HPSE2: variants seen among roughly 807,000 people sequenced by gnomAD.
HPSE2 encodes the protein heparanase 2 (inactive).
A neutral mutation model predicts 60.5 loss-of-function variants in HPSE2; 38 were observed. The ratio of observed to expected loss-of-function variants is 0.63; its 90% CI spans 0.48 to 0.82. The LOEUF (loss-of-function observed/expected upper bound fraction) is 0.82. Ranked by LOEUF, HPSE2 falls within the 40% of genes least tolerant of loss-of-function variation. HPSE2 has a pLI of 0.00. For missense variants in HPSE2, 713 were observed against 740.4 expected (o/e 0.96, Z 0.43); for synonymous variants, 295 against 293.2 (o/e 1.01, Z -0.06).
chr10:98,525,961 G>A (rs939478646), intron 9 of HPSE2, among the ~76,000 whole-genome samples: 1 of 152,130 alleles, frequency 6.6e-6, no homozygotes, highest in Non-Finnish European at 1.5e-5. Context: ...AGGCAAAATC[G>A]CAGGAACAAC....
At chr10:99,133,668 C>A (rs1242734041) in intron 3 of HPSE2, among the ~76,000 whole-genome samples, 1 of 152,102 alleles carries the variant, frequency 6.6e-6, no homozygotes, top group African/African-American at 2.4e-5. Context: ...AGAAAGAACA[C>A]TAACAAATAG....
At chr10:98,901,952 G>A (rs575885115) in intron 3 of HPSE2, among the ~76,000 whole-genome samples, 1 of 152,206 alleles carries the variant, frequency 6.6e-6, no homozygotes, top group African/African-American at 2.4e-5. Context: ...TTCTCACACA[G>A]GCTAATCAAC....
rs1951539817 is a variant in HPSE2, at chr10:98,826,062, A to G, written c.611-82006T>C. Among the ~76,000 whole-genome samples, 3 of 152,184 alleles carry G rather than the reference A, an allele frequency of 2.0e-5. No homozygotes were observed. The South Asian group carries it at 6.2e-4, about 32-fold the overall frequency. On this transcript the variant is annotated intron_variant, in intron 3 of 11. Transcript: ENST00000370552. ...TTCATTTTCAGTCATTTAACACATC[A>G]TTGTAGTTTAATTCTCTGCATTGTA...
intron 3 of HPSE2, among the ~76,000 whole-genome samples, chr10:98,926,013 C>T (rs1954449577): frequency 6.6e-6 from 1 of 151,962 alleles, no homozygotes; most frequent in African/African-American, 2.4e-5. Flanking sequence ...TTTTTAGTTA[C>T]CCTTAATAGG....
At chr10:98,465,533 G>C (rs1449678875) in intron 11 of HPSE2, among the ~76,000 whole-genome samples, 1 of 152,178 alleles carries the variant, frequency 6.6e-6, no homozygotes, top group Admixed American at 6.5e-5. Flanking sequence ...ACTTTACTAT[G>C]GGGACAAGGT....
At chr10:98,744,570 C>A (rs1949581669) in intron 3 of HPSE2, among the ~76,000 whole-genome samples, 1 of 151,484 alleles carries the variant, frequency 6.6e-6, no homozygotes, top group Non-Finnish European at 1.5e-5. Flanking sequence ...CAAAAAAAAA[C>A]AAGCAGCAGA....
chr10:99,079,814 G>A (rs780157602), intron 3 of HPSE2, among the ~76,000 whole-genome samples: 14 of 152,062 alleles, frequency 9.2e-5, no homozygotes, highest in Non-Finnish European at 1.8e-4. Context: ...GTCCAAACTG[G>A]TGCCCAAGCA....
chr10:98,836,432 T>A (rs1192438807), intron 3 of HPSE2, among the ~76,000 whole-genome samples: 1 of 152,232 alleles, frequency 6.6e-6, no homozygotes, highest in Non-Finnish European at 1.5e-5. Context: ...CTTTATCCAT[T>A]TACATATCTG....
intron 9 of HPSE2, among the ~76,000 whole-genome samples, chr10:98,541,589 C>A (rs1450503955): frequency 6.6e-6 from 1 of 152,148 alleles, no homozygotes; most frequent in Non-Finnish European, 1.5e-5. Flanking sequence ...ACAGACGGCA[C>A]CTGGAAAATT....
intron 9 of HPSE2, among the ~76,000 whole-genome samples, chr10:98,596,449 T>C (rs1945240563): frequency 6.8e-6 from 1 of 147,186 alleles, no homozygotes; most frequent in East Asian, 2.0e-4. Flanking sequence ...TTACCCTATG[T>C]TTTCACGTTA....
intron 9 of HPSE2, among the ~76,000 whole-genome samples, chr10:98,573,917 C>T (rs1589440928): frequency 6.6e-6 from 1 of 152,086 alleles, no homozygotes; most frequent in East Asian, 1.9e-4. Context: ...ATGTAATTCA[C>T]CTATTAAAGT....
chr10:98,955,105 T>C (rs1229544761), intron 3 of HPSE2, among the ~76,000 whole-genome samples: 2 of 151,762 alleles, frequency 1.3e-5, no homozygotes, highest in Admixed American at 6.6e-5. Flanking sequence ...TAGAGACAAA[T>C]GCTGATATAA....
In HPSE2 at chr10:98,482,738, A is replaced by C; in HGVS notation, c.1511T>G (p.Leu504Trp). ...CTTGATTTTCTTTCTTGATCGATGC[A>C]AGTTGATGATAAAAAGTGTAATGGA... is the stretch of plus-strand genomic sequence containing the variant. ...RGSITLFIIN[L>W]HRSRKKIKLA... Residue 504 changes from leucine (L) to tryptophan (W), a missense_variant, in exon 11 of 12, where the codon TTG becomes TGG. Coordinates refer to ENST00000370552, the MANE Select transcript of HPSE2 (RefSeq NM_021828.5). 2 of 1,614,156 alleles carry C rather than the reference A, an allele frequency of 1.2e-6. No homozygotes were observed. The highest frequency in any genetic ancestry group is 1.7e-6 in the Non-Finnish European group (2 of 1,180,008).
chr10:98,797,860 AAAAAACAAAAAAAC>A (rs1393732702), intron 3 of HPSE2, among the ~76,000 whole-genome samples: 1 of 151,594 alleles, frequency 6.6e-6, no homozygotes, highest in Non-Finnish European at 1.5e-5. Context: ...ACAAAAAACA[AAAAAACAAAAAAAC>A]AAAAACAAAA....
At chr10:98,948,537 C>T (rs1955256543) in intron 3 of HPSE2, among the ~76,000 whole-genome samples, 1 of 152,144 alleles carries the variant, frequency 6.6e-6, no homozygotes, top group African/African-American at 2.4e-5. Context: ...TCCTTTACAA[C>T]ATGGATCCTT....
intron 3 of HPSE2, among the ~76,000 whole-genome samples, chr10:98,972,845 G>T (rs936535156): frequency 3.3e-5 from 5 of 152,144 alleles, no homozygotes; most frequent in African/African-American, 9.7e-5. Flanking sequence ...CAGAAATGTA[G>T]TCTCACGTTA....
intron 6 of HPSE2, among the ~76,000 whole-genome samples, chr10:98,691,496 C>T (rs1282352969): frequency 2.0e-5 from 3 of 152,240 alleles, no homozygotes; most frequent in East Asian, 3.9e-4. Context: ...TTTCTCTTAT[C>T]CCTCTCTGTC....
chr10:99,153,692 C>T (rs1272509746), intron 2 of HPSE2, among the ~76,000 whole-genome samples: 3 of 152,162 alleles, frequency 2.0e-5, no homozygotes, highest in East Asian at 3.8e-4. Flanking sequence ...AAAAGCAGAG[C>T]GCCTCTCCTC....
chr10:98,912,091 G>C (rs897818699), intron 3 of HPSE2, among the ~76,000 whole-genome samples: 1 of 152,154 alleles, frequency 6.6e-6, no homozygotes, highest in Admixed American at 6.5e-5. Flanking sequence ...TTGAGGATAA[G>C]GAGACAGATT....
Sources: gnomAD v4.1 joint callset for allele counts (sites outside exome capture counted in the v4.1 genomes callset) on GRCh38, gnomAD v4.1.1 for gene constraint, MANE v1.5 for transcripts, NCBI Gene and HGNC (gene_info 2026-07-23, HGNC 2026-07-21) for gene names.